Variants in PDXDC1 observed in about 807,000 individuals in gnomAD.
The protein encoded by PDXDC1 is pyridoxal-dependent decarboxylase domain-containing protein 1.
PDXDC1 carries 42 observed loss-of-function variants against 100.1 expected under a neutral mutation model. The ratio of observed to expected loss-of-function variants is 0.42; its 90% CI spans 0.33 to 0.54. PDXDC1 has a LOEUF of 0.54. Ranked by LOEUF, PDXDC1 falls within the 20% of genes least tolerant of loss-of-function variation. The pLI is 0.10. For missense variants in PDXDC1, 636 were observed against 979.2 expected (o/e 0.65, Z 4.68); for synonymous variants, 260 against 371.7 (o/e 0.70, Z 3.46).
rs371033992 is a variant in PDXDC1 at position 15,036,173 on chromosome 16, T to G, written c.2265T>G (p.Ala755=). 1.9e-6 allele frequency: 3 copies of G among 1,613,916 alleles called. No homozygotes were observed. Among genetic ancestry groups the G allele is most frequent in the Non-Finnish European group, 2.5e-6 (3 of 1,180,020 alleles). ...EASSTEGHPG[A]PSPQHTDQTE... ...GCAGCACTGAGGGACACCCAGGGGC[T>G]CCCAGCCCTCAGCACACCGACCAGA... Residue 755 remains alanine, a synonymous_variant, in exon 23 of 23, where the codon GCT becomes GCG. Transcript: ENST00000396410.
At chr16:15,102,903 C>T (rs1199667134) in intron 16 of PDXDC1, among the ~76,000 whole-genome samples, 1 of 149,042 alleles carries the variant, frequency 6.7e-6, no homozygotes, top group Non-Finnish European at 1.5e-5. Context: ...AGCCATTGCA[C>T]TCCAGCCTGA....
At chr16:15,114,927 ATT>A (rs1317983458) in intron 16 of PDXDC1, among the ~76,000 whole-genome samples, 38 of 52,456 alleles carry the variant, frequency 7.2e-4, no homozygotes, top group Admixed American at 1.2e-3. Context: ...AAAAAAAAAA[ATT>A]TTTTTTTTTT....
intron 16 of PDXDC1, among the ~76,000 whole-genome samples, chr16:15,093,097 C>T (rs1474803815): frequency 1.3e-5 from 2 of 152,046 alleles, no homozygotes; most frequent in Non-Finnish European, 2.9e-5. Flanking sequence ...CTCCATCTCC[C>T]GGGTTCAAGC....
At chr16:15,079,615 T>C (rs1207411788) in intron 16 of PDXDC1, among the ~76,000 whole-genome samples, 1 of 150,204 alleles carries the variant, frequency 6.7e-6, no homozygotes. Flanking sequence ...TTTTTTGAGA[T>C]GGAGTCTCGC....
intron 16 of PDXDC1, among the ~76,000 whole-genome samples, chr16:15,073,866 C>T (rs2151784038): frequency 6.6e-6 from 1 of 152,188 alleles, no homozygotes; most frequent in Admixed American, 6.5e-5. Flanking sequence ...CAGTGATCCT[C>T]CCACCTTGGC....
chr16:14,977,372 C>T (rs1355863939), intron 1 of PDXDC1, among the ~76,000 whole-genome samples: 5 of 150,974 alleles, frequency 3.3e-5, no homozygotes, highest in African/African-American at 7.3e-5. Flanking sequence ...CTCCGCCTCC[C>T]GGATTCAAGT....
intron 16 of PDXDC1, chr16:15,047,802 C>T: frequency 2.1e-6 from 3 of 1,424,752 alleles, no homozygotes; most frequent in Non-Finnish European, 3.0e-6. Context: ...ATTCAATGGT[C>T]CCAAAGGTTG....
chr16:15,069,351 C>T (rs1047499303), intron 16 of PDXDC1, among the ~76,000 whole-genome samples: 1 of 152,102 alleles, frequency 6.6e-6, no homozygotes, highest in African/African-American at 2.4e-5. Context: ...TTCAGAGACC[C>T]CGGTTTAGAG....
At chr16:15,141,768 G>A (rs1454058783), downstream of PDXDC1, among the ~76,000 whole-genome samples, 1 of 152,216 alleles carries the variant, frequency 6.6e-6, no homozygotes, top group Non-Finnish European at 1.5e-5. Flanking sequence ...GTGGGACAGG[G>A]TGGCGGCTGG....
At chr16:15,006,932 A>G (rs1437241339) in intron 6 of PDXDC1, among the ~76,000 whole-genome samples, 2 of 152,280 alleles carry the variant, frequency 1.3e-5, no homozygotes, top group Admixed American at 1.3e-4. Flanking sequence ...TAATGTCTTC[A>G]TGGTATTCCT....
intron 16 of PDXDC1, among the ~76,000 whole-genome samples, chr16:15,112,110 T>G (rs2047091381): frequency 6.8e-6 from 1 of 147,656 alleles, no homozygotes; most frequent in African/African-American, 2.4e-5. Flanking sequence ...ATTATCACAG[T>G]ATGCTTTTAA....
intron 1 of PDXDC1, among the ~76,000 whole-genome samples, chr16:14,984,495 A>ATATATTTTT (rs1555542734): frequency 1.1e-4 from 8 of 73,496 alleles, no homozygotes; most frequent in East Asian, 6.5e-4. Flanking sequence ...ATATATATAT[A>ATATATTTTT]TTTTTTTTTT....
chr16:15,061,652 C>A, intron 16 of PDXDC1: 2 of 1,262,976 alleles, frequency 1.6e-6, no homozygotes, highest in East Asian at 4.7e-5. Flanking sequence ...TAGTTCAATG[C>A]CATCAATGCC....
intron 11 of PDXDC1, among the ~76,000 whole-genome samples, chr16:15,018,090 A>ATT (rs377561197): frequency 4.3e-4 from 61 of 143,420 alleles, no homozygotes; most frequent in African/African-American, 1.0e-3. Context: ...ACCTGGCCAC[A>ATT]TTTTTTTTTT....
chr16:15,040,518 C>A (rs11863214), downstream of PDXDC1: 17,194 of 173,914 alleles, frequency 0.099, 990 homozygotes, highest in East Asian at 0.18. Context: ...CAAGTATCAC[C>A]GCTACAGCAG....
chr16:15,125,853 T>C lies in PDXDC1; in HGVS notation c.1400-13026T>C, dbSNP rs1180513139. 3.4e-6 allele frequency: 3 copies of C among 888,382 alleles called. No homozygotes were observed. The South Asian group carries it at 4.1e-5, about 12-fold the overall frequency. 55.0% of individuals were successfully genotyped at this position (888,382 alleles called of 1,614,324 possible). ...TCAGCGGGCGGCAGCTCAGACCTGC[T>C]CAGGACCTGGATGAGAAGCCACCTC... is the stretch of plus-strand genomic sequence containing the variant. On this transcript the variant is annotated intron_variant, in intron 16 of 16. Transcript: ENST00000535621.
At chr16:15,014,331 T>TA (rs1428291244) in intron 8 of PDXDC1, among the ~76,000 whole-genome samples, 2 of 152,300 alleles carry the variant, frequency 1.3e-5, no homozygotes, top group African/African-American at 4.8e-5. Flanking sequence ...AATCACATGA[T>TA]AAACTGGAGG....
intron 16 of PDXDC1, chr16:15,134,063 T>C: frequency 6.4e-7 from 1 of 1,571,906 alleles, no homozygotes; most frequent in Non-Finnish European, 8.6e-7. Flanking sequence ...TGAACGTACG[T>C]GCAGCCCACC....
chr16:15,129,107 C>T (rs2047917621), intron 16 of PDXDC1, among the ~76,000 whole-genome samples: 1 of 151,736 alleles, frequency 6.6e-6, no homozygotes, highest in African/African-American at 2.4e-5. Flanking sequence ...GCCCGGCCGA[C>T]AGTTTTTAAA....
Sources: gnomAD v4.1 joint callset for allele counts (sites outside exome capture counted in the v4.1 genomes callset) on GRCh38, gnomAD v4.1.1 for gene constraint, MANE v1.5 for transcripts, NCBI Gene and HGNC (gene_info 2026-07-23, HGNC 2026-07-21) for gene names.